The following MMD2 variants were observed in gnomAD, a reference collection of about 807,000 sequenced individuals.
MMD2 encodes monocyte to macrophage differentiation factor 2.
MMD2 carries 30 observed loss-of-function variants against 33.5 expected under a neutral mutation model. That is an observed-to-expected ratio of 0.90 (90% CI 0.67 to 1.22). MMD2 has a LOEUF of 1.22. Ranked by LOEUF, MMD2 falls within the 50% of genes most tolerant of loss-of-function variation. The probability of loss-of-function intolerance (pLI) is 0.00; values close to 1 mark genes in which losing one functional copy is unlikely to be tolerated. For missense variants in MMD2, 364 were observed against 325.4 expected (o/e 1.12, Z -0.91); for synonymous variants, 129 against 123.0 (o/e 1.05, Z -0.32).
chr7:4,904,232 G>A (rs573080960), downstream of MMD2, among the ~76,000 whole-genome samples: 39 of 151,806 alleles, frequency 2.6e-4, no homozygotes, highest in Admixed American at 1.8e-3. Flanking sequence ...TGTGCTCGGC[G>A]CCCCTCTCTA....
intron 3 of MMD2, among the ~76,000 whole-genome samples, chr7:4,919,226 C>T (rs546718662): frequency 3.9e-5 from 6 of 152,298 alleles, no homozygotes; most frequent in Non-Finnish European, 5.9e-5. Flanking sequence ...GCTGGCCCGT[C>T]GTGACCACCC....
chr7:4,928,824 T>C (rs773535098), intron 1 of MMD2, among the ~76,000 whole-genome samples: 11 of 151,214 alleles, frequency 7.3e-5, no homozygotes, highest in Non-Finnish European at 1.0e-4. Flanking sequence ...GTGCTAAGTA[T>C]AGTTCATGAA....
intron 1 of MMD2, among the ~76,000 whole-genome samples, chr7:4,951,216 G>A (rs1000828913): frequency 1.3e-5 from 2 of 149,960 alleles, no homozygotes; most frequent in South Asian, 2.1e-4. Context: ...TATGATGGCA[G>A]CCTCAAAAGT....
chr7:4,952,466 C>A (rs2115162874), intron 1 of MMD2, among the ~76,000 whole-genome samples: 1 of 152,318 alleles, frequency 6.6e-6, no homozygotes, highest in Admixed American at 6.5e-5. Context: ...GAACAGCTCC[C>A]CCCAGGCATA....
In MMD2 at chr7:4,909,583, T is replaced by C. The variant is rs984099140; in HGVS notation, c.537+298A>G. 18 of 615,238 alleles carry C rather than the reference T, an allele frequency of 2.9e-5. No homozygotes were observed. The African/African-American group carries it at 3.1e-4, about 11-fold the overall frequency. The allele number at this position is 615,238 out of a possible 1,614,324, so 38.1% of individuals were successfully genotyped here. A position where few individuals can be genotyped will look rare whatever the true frequency, so the allele number is the denominator to read the frequency against. ...TCAGCCTCCAGAGTAGCTGAGACTATAGGTGTGCACCACATCTGGCTAATT... is the reference window on the plus strand; with the variant it reads ...TCAGCCTCCAGAGTAGCTGAGACTACAGGTGTGCACCACATCTGGCTAATT... On this transcript the variant is annotated intron_variant, in intron 6 of 6. Coordinates refer to ENST00000401401, the MANE Select transcript of MMD2 (RefSeq NM_198403.4).
In MMD2 at chr7:4,929,235, G is replaced by A. The variant is rs117892718; in HGVS notation, c.48-3703C>T. On this transcript the variant is annotated intron_variant, in intron 1 of 6. Transcript: ENST00000401401. Reference sequence around the variant, plus strand: ...GTGACTTCAACACCAGGGTCACACCGAGCCCATTCGACAGATGAGAAAACT... The same window carrying A: ...GTGACTTCAACACCAGGGTCACACCAAGCCCATTCGACAGATGAGAAAACT... Among the ~76,000 whole-genome samples, 59 of 152,240 alleles carry A rather than the reference G, an allele frequency of 3.9e-4. 1 individual carries two copies. The East Asian group carries it at 7.6e-3, about 20-fold the overall frequency.
At chr7:4,912,539 G>A (rs1284418052) in intron 4 of MMD2, among the ~76,000 whole-genome samples, 1 of 150,652 alleles carries the variant, frequency 6.6e-6, no homozygotes, top group Non-Finnish European at 1.5e-5. Flanking sequence ...TCCAGCCTGG[G>A]CAACAGAGCA....
At chr7:4,907,792 AT>A (rs571433644) in intron 6 of MMD2, among the ~76,000 whole-genome samples, 193 bp from the exon 7 acceptor site, 113 of 152,238 alleles carry the variant, frequency 7.4e-4, no homozygotes, top group African/African-American at 2.4e-3. Context: ...AGACATTCTC[AT>A]TTCTATTAAA....
At position 4,906,699 on chromosome 7, in the gene MMD2, G is replaced by A. The variant is rs2115081203; in HGVS notation, c.*697C>T. The A allele has an allele frequency of 2.5e-6, 1 of 396,714 alleles. No individual in the cohort carries two copies. The highest frequency in any genetic ancestry group is 3.6e-5 in the East Asian group (1 of 28,024). 24.6% of individuals were successfully genotyped at this position (396,714 alleles called of 1,614,324 possible). A position where few individuals can be genotyped will look rare whatever the true frequency, so the allele number is the denominator to read the frequency against. On this transcript the variant is annotated 3_prime_UTR_variant, in exon 7 of 7. Coordinates refer to ENST00000401401, the MANE Select transcript of MMD2 (RefSeq NM_198403.4). Reference sequence around the variant, plus strand: ...TCCAGGAGTTTCCCAAAAGGGAGGGGGAGATGAGGAGATAGGCATGCAAAT... The same window carrying A: ...TCCAGGAGTTTCCCAAAAGGGAGGGAGAGATGAGGAGATAGGCATGCAAAT...
At chr7:4,944,760 C>CTTTTTTTTTTTTTTTTTTTT (rs142716643) in intron 1 of MMD2, among the ~76,000 whole-genome samples, 6 of 75,276 alleles carry the variant, frequency 8.0e-5, no homozygotes, top group Non-Finnish European at 1.2e-4. Flanking sequence ...TCTTCTTCTT[C>CTTTTTTTTTTTTTTTTTTTT]TTTTTTTTTT....
At chr7:4,942,170 T>C (rs1478990468) in intron 1 of MMD2, among the ~76,000 whole-genome samples, 2 of 152,082 alleles carry the variant, frequency 1.3e-5, no homozygotes, top group Non-Finnish European at 1.5e-5. Flanking sequence ...GCCAGGCTGA[T>C]CTTGAACTCC....
At chr7:4,934,410 A>G (rs896411392) in intron 1 of MMD2, among the ~76,000 whole-genome samples, 12 of 152,194 alleles carry the variant, frequency 7.9e-5, no homozygotes, top group Non-Finnish European at 1.6e-4. Flanking sequence ...GCAGGGATGC[A>G]TGTTTAACAA....
intron 2 of MMD2, among the ~76,000 whole-genome samples, chr7:4,924,227 A>G (rs1785363954): frequency 6.6e-6 from 1 of 152,134 alleles, no homozygotes; most frequent in Non-Finnish European, 1.5e-5. Flanking sequence ...CAACAACAAC[A>G]ACAACAGAAC....
At position 4,920,923 on chromosome 7, in the gene MMD2, G is replaced by A. The variant is rs141163190; in HGVS notation, c.130-592C>T. On this transcript the variant is annotated intron_variant, in intron 2 of 6. Coordinates refer to ENST00000401401, the MANE Select transcript of MMD2 (RefSeq NM_198403.4). ...TATAGAGGTGGGGTCTGGCTATAAT[G>A]CCCAGGCTGGTCTTGAACTCCTGAC... 2.0e-5 allele frequency among the ~76,000 whole-genome samples: 3 copies of A among 152,144 alleles called. No homozygotes were observed. In the East Asian group the frequency reaches 5.8e-4, roughly 29 times the overall value.
chr7:4,946,933 T>G lies in MMD2; in HGVS notation c.47+12038A>C, dbSNP rs1237845091. On this transcript the variant is annotated intron_variant, in intron 1 of 6. Transcript: ENST00000401401. The surrounding 1 kb of genome is among the most constrained non-coding windows in gnomAD (Gnocchi z 5.0). ...ATAAAGAAAAGGAGTTTAGGCTGGG[T>G]GTGGTGGCTCATACCTGTAATCCCA... is the stretch of plus-strand genomic sequence containing the variant. 2.0e-5 allele frequency among the ~76,000 whole-genome samples: 3 copies of G among 151,966 alleles called. No individual in the cohort carries two copies. Among genetic ancestry groups the G allele is most frequent in the Non-Finnish European group, 2.9e-5 (2 of 67,992 alleles).
chr7:4,902,867 C>T (rs745602171), downstream of MMD2, among the ~76,000 whole-genome samples: 3 of 152,224 alleles, frequency 2.0e-5, no homozygotes, highest in East Asian at 1.9e-4. Flanking sequence ...CTGCTCCCAC[C>T]TCCCACTTCC....
intron 1 of MMD2, among the ~76,000 whole-genome samples, chr7:4,931,965 T>C (rs1044287277): frequency 2.6e-5 from 4 of 152,126 alleles, no homozygotes; most frequent in Admixed American, 2.6e-4. Flanking sequence ...AGACCAACTA[T>C]GAGGGTGTGG....
Position 4,927,304 on chromosome 7 carries a change from A to G in MMD2, c.48-1772T>C, listed in dbSNP as rs1178184680. 3.9e-5 allele frequency among the ~76,000 whole-genome samples: 6 copies of G among 152,110 alleles called. No individual in the cohort carries two copies. The East Asian group carries it at 1.2e-3, about 30-fold the overall frequency. ...TCACGCCCGTAATCCCAGCACTTTAAGAGGCCGAGGCAGGCGGATCACTTT... is the reference window on the plus strand; with the variant it reads ...TCACGCCCGTAATCCCAGCACTTTAGGAGGCCGAGGCAGGCGGATCACTTT... On this transcript the variant is annotated intron_variant, in intron 1 of 6. Transcript: ENST00000401401.
chr7:4,934,728 C>G (rs574845989), intron 1 of MMD2, among the ~76,000 whole-genome samples: 1 of 152,326 alleles, frequency 6.6e-6, no homozygotes, highest in East Asian at 1.9e-4. Flanking sequence ...TCACCCTGAA[C>G]TTGAGGAGGT....
Sources: gnomAD v4.1 joint callset for allele counts (sites outside exome capture counted in the v4.1 genomes callset) on GRCh38, gnomAD v4.1.1 for gene constraint, Gnocchi (gnomAD v3.1) non-coding constraint, MANE v1.5 for transcripts, NCBI Gene and HGNC (gene_info 2026-07-23, HGNC 2026-07-21) for gene names.